TFCP2L1: variants seen among roughly 807,000 people sequenced by gnomAD.
TFCP2L1 encodes transcription factor CP2 like 1, also known as transcription factor CP2-like protein 1.
In TFCP2L1, 12 loss-of-function variants were observed where a neutral mutation model predicts 72.2. That is an observed-to-expected ratio of 0.17 (90% CI 0.11 to 0.27). The LOEUF (loss-of-function observed/expected upper bound fraction) is 0.27, where lower values mean the gene tolerates loss of function less well. TFCP2L1 is among the 10% of genes least tolerant of loss of function. The pLI, the probability that TFCP2L1 is intolerant of heterozygous loss-of-function variation, is 1.00. For synonymous variants in TFCP2L1, 260 were observed against 251.0 expected, an observed-to-expected ratio of 1.04 and a Z score of -0.34; for missense variants, 488 against 624.6, an observed-to-expected ratio of 0.78 and a Z score of 2.33.
chr2:121,224,179 C>T lies in TFCP2L1; in HGVS notation c.*162G>A, dbSNP rs1195173072. 7.0e-6 allele frequency: 5 copies of T among 710,950 alleles called. No homozygotes were observed. The highest frequency in any genetic ancestry group is 9.4e-6 in the Non-Finnish European group (4 of 423,532). 44.0% of individuals were successfully genotyped at this position (710,950 alleles called of 1,614,324 possible). ...TTCTGTACACCGTACTTGGTGTCCA[C>T]AGGCTTCTGCTGGTTGGTGCTCTGT... is the stretch of plus-strand genomic sequence containing the variant. On this transcript the variant is annotated 3_prime_UTR_variant, in exon 15 of 15. Coordinates refer to ENST00000263707, the MANE Select transcript of TFCP2L1 (RefSeq NM_014553.3).
chr2:121,248,521 G>A (rs903955372), intron 4 of TFCP2L1, among the ~76,000 whole-genome samples: 1 of 152,136 alleles, frequency 6.6e-6, no homozygotes, highest in Non-Finnish European at 1.5e-5. Context: ...GCTGCCTGTT[G>A]GAGATGTTCC....
In TFCP2L1 at chr2:121,242,558, C is replaced by T. The variant is rs1686398939; in HGVS notation, c.658-89G>A. On this transcript the variant is annotated intron_variant, in intron 6 of 14. Coordinates refer to ENST00000263707, the MANE Select transcript of TFCP2L1 (RefSeq NM_014553.3). ...CTCCTGCTTCCCACCTCACCCAGGG[C>T]CCCAGGGCGCAGGGAGGAACTCAGG... The T allele has an allele frequency of 3.1e-6, 4 of 1,275,900 alleles. No individual in the cohort carries two copies. The East Asian group carries it at 9.3e-5, about 30-fold the overall frequency. 79.0% of individuals were successfully genotyped at this position (1,275,900 alleles called of 1,614,324 possible). A position where few individuals can be genotyped will look rare whatever the true frequency, so the allele number is the denominator to read the frequency against.
intron 13 of TFCP2L1, among the ~76,000 whole-genome samples, chr2:121,228,566 C>T (rs549485573): frequency 1.3e-4 from 20 of 151,464 alleles, no homozygotes; most frequent in South Asian, 8.4e-4. Flanking sequence ...TCAAGACCAG[C>T]CTGGGCAACA....
chr2:121,268,248 T>G (rs1686972549), intron 2 of TFCP2L1, among the ~76,000 whole-genome samples: 1 of 152,276 alleles, frequency 6.6e-6, no homozygotes, highest in Admixed American at 6.5e-5. Flanking sequence ...CTTTGTTGTT[T>G]TTTTCTTTTA....
chr2:121,232,068 C>G, intron 12 of TFCP2L1, 100 bp from the exon 13 acceptor site: 1 of 1,370,014 alleles, frequency 7.3e-7, no homozygotes, highest in Admixed American at 2.3e-5. Context: ...TGTCAAAATG[C>G]CACACCCAGG....
intron 2 of TFCP2L1, among the ~76,000 whole-genome samples, chr2:121,253,751 G>A (rs1034201476): frequency 6.6e-6 from 1 of 152,186 alleles, no homozygotes; most frequent in African/African-American, 2.4e-5. Context: ...CAGGATCACA[G>A]CTTCTCCTGG....
chr2:121,274,197 T>A (rs1442767851), intron 2 of TFCP2L1, among the ~76,000 whole-genome samples: 1 of 152,074 alleles, frequency 6.6e-6, no homozygotes, highest in Non-Finnish European at 1.5e-5. Flanking sequence ...AGATATCTAG[T>A]GCAGCATTAC....
At position 121,232,107 on chromosome 2, in the gene TFCP2L1, TTTTTGTTTTGTTTTGTTTTG is replaced by T. The variant is rs3835787; in HGVS notation, c.1199-159_1199-140del. On this transcript the variant is annotated intron_variant, in intron 12 of 14. Coordinates refer to ENST00000263707, the MANE Select transcript of TFCP2L1 (RefSeq NM_014553.3). ...GCGGGGCAGGACCACACTGCCACTC[TTTTTGTTTTGTTTTGTTTTG>T]TTTTGTTTTGTTTTGTTTTGTTTTG... 5.1e-3 allele frequency: 2,710 copies of T among 533,516 alleles called. 45 individuals carry two copies. Among genetic ancestry groups the T allele is most frequent in the African/African-American group, 0.037 (1,884 of 50,404 alleles). The allele number at this position is 533,516 out of a possible 1,614,324, so 33.0% of individuals were successfully genotyped here.
Position 121,220,443 on chromosome 2 carries a change from G to C in TFCP2L1, c.*3898C>G, listed in dbSNP as rs1415260384. 1 of 152,232 alleles carries C rather than the reference G, an allele frequency of 6.6e-6. No homozygotes were observed. Among genetic ancestry groups the C allele is most frequent in the Non-Finnish European group, 1.5e-5 (1 of 68,054 alleles). 9.4% of individuals were successfully genotyped at this position (152,232 alleles called of 1,614,324 possible). On this transcript the variant is annotated 3_prime_UTR_variant, in exon 15 of 15. Coordinates refer to ENST00000263707, the MANE Select transcript of TFCP2L1 (RefSeq NM_014553.3). ...AAAGGACAACCTGGTAAACAGGAAA[G>C]GGTTTATCTCAACCTTGCAGATACC...
chr2:121,267,155 C>G (rs1686948210), intron 2 of TFCP2L1, among the ~76,000 whole-genome samples: 1 of 152,064 alleles, frequency 6.6e-6, no homozygotes, highest in Non-Finnish European at 1.5e-5. Flanking sequence ...TGGCCTCAAT[C>G]AATCCACCAG....
chr2:121,271,307 T>A (rs903201112), intron 2 of TFCP2L1, among the ~76,000 whole-genome samples: 2 of 152,102 alleles, frequency 1.3e-5, no homozygotes, highest in Non-Finnish European at 2.9e-5. Context: ...TAAGGTTATA[T>A]GCATGTTTGT....
intron 2 of TFCP2L1, among the ~76,000 whole-genome samples, chr2:121,266,975 T>C (rs1338832126): frequency 1.3e-5 from 2 of 151,902 alleles, no homozygotes; most frequent in African/African-American, 4.8e-5. Flanking sequence ...TGCAGTGGCA[T>C]GAGCTTTGCT....
At chr2:121,257,529 G>A (rs942992303) in intron 2 of TFCP2L1, among the ~76,000 whole-genome samples, 1 of 152,200 alleles carries the variant, frequency 6.6e-6, no homozygotes, top group Non-Finnish European at 1.5e-5. Flanking sequence ...GGGGGCAGGG[G>A]GGAGGCCAGA....
intron 1 of TFCP2L1, among the ~76,000 whole-genome samples, chr2:121,282,285 C>A (rs1056912530): frequency 1.6e-5 from 2 of 128,086 alleles, no homozygotes; most frequent in African/African-American, 5.9e-5. Context: ...CTCCAAGTTT[C>A]TTTTCCTCCA....
At chr2:121,279,141 C>T (rs1173061536) in intron 2 of TFCP2L1, among the ~76,000 whole-genome samples, 1 of 152,194 alleles carries the variant, frequency 6.6e-6, no homozygotes, top group East Asian at 1.9e-4. Flanking sequence ...CTTGGACCCA[C>T]TCTTCAGCAC....
chr2:121,243,549 A>G (rs977407180), intron 6 of TFCP2L1, among the ~76,000 whole-genome samples: 1 of 152,148 alleles, frequency 6.6e-6, no homozygotes, highest in Non-Finnish European at 1.5e-5. Flanking sequence ...ACTTCACAGT[A>G]TTTACAGCTG....
In TFCP2L1 at chr2:121,280,745, C is replaced by T. The variant is rs1687238674; in HGVS notation, c.214+375G>A. Among the ~76,000 whole-genome samples the T allele has an allele frequency of 4.2e-5, 4 of 94,412 alleles. No individual in the cohort carries two copies. The Admixed American group carries it at 4.6e-4, about 11-fold the overall frequency. 61.9% of individuals were successfully genotyped at this position (94,412 alleles called of 152,430 possible). On this transcript the variant is annotated intron_variant, in intron 2 of 14. Transcript: ENST00000263707. The stretch of plus-strand genomic sequence containing the variant: ...TGCCACTGCATGCCAGCCTGGGCAA[C>T]AGAACAAGACCCCCTCAAAAAAGGA...
chr2:121,260,141 G>A (rs1341900815), intron 2 of TFCP2L1, among the ~76,000 whole-genome samples: 3 of 152,130 alleles, frequency 2.0e-5, no homozygotes, highest in African/African-American at 4.8e-5. Flanking sequence ...CACTAGGACC[G>A]TGCCCATTTC....
chr2:121,282,132 C>T (rs1004033751), intron 1 of TFCP2L1, among the ~76,000 whole-genome samples: 3 of 151,762 alleles, frequency 2.0e-5, no homozygotes, highest in African/African-American at 7.3e-5. Context: ...AGGGTTCCAC[C>T]ATGTTGGTCA....
Sources: gnomAD v4.1 joint callset for allele counts (sites outside exome capture counted in the v4.1 genomes callset) on GRCh38, gnomAD v4.1.1 for gene constraint, MANE v1.5 for transcripts, NCBI Gene and HGNC (gene_info 2026-07-23, HGNC 2026-07-21) for gene names.